Variants in DECR2 observed in about 807,000 individuals in gnomAD.
The protein encoded by DECR2 is peroxisomal 2,4-dienoyl-CoA reductase [(3E)-enoyl-CoA-producing].
DECR2 carries 34 observed loss-of-function variants against 29.2 expected under a neutral mutation model. The observed-to-expected ratio is 1.16, with a 90% CI of 0.89 to 1.55. The LOEUF (loss-of-function observed/expected upper bound fraction) is 1.55, where lower values mean the gene tolerates loss of function less well. Among genes scored for constraint, DECR2 ranks in the 40% most tolerant of loss-of-function variants. DECR2 has a pLI of 0.00. For missense variants in DECR2, 485 were observed against 425.3 expected (o/e 1.14, Z -1.23); for synonymous variants, 224 against 182.7 (o/e 1.23, Z -1.82).
chr16:405,431 C>G (rs2054713233), intron 2 of DECR2: 1 of 937,942 alleles, frequency 1.1e-6, no homozygotes, highest in Non-Finnish European at 1.4e-6. Flanking sequence ...CCTCAGTTCC[C>G]CTGAGGCCCC....
In DECR2 at chr16:410,229, C is replaced by G. The variant is rs1182425921; in HGVS notation, c.338-14C>G. The stretch of plus-strand genomic sequence containing the variant: ...CCCAGGCTCCAGCAGCTCCTGCGGT[C>G]TCCCATTCTGCAGGTGCGGCCGGGA... On this transcript the variant is annotated splice_polypyrimidine_tract_variant and intron_variant, in intron 4 of 8. Transcript: ENST00000219481. The surrounding 1 kb of genome is among the most constrained non-coding windows in gnomAD (Gnocchi z 4.1). 6.2e-7 allele frequency: 1 copy of G among 1,611,606 alleles called. No individual in the cohort carries two copies. The highest frequency in any genetic ancestry group is 2.2e-5 in the East Asian group (1 of 44,816).
At chr16:407,253 AACATCC>A (rs1209580309) in intron 3 of DECR2, 166 bp from the exon 4 acceptor site, 10 of 1,419,910 alleles carry the variant, frequency 7.0e-6, no homozygotes, top group Non-Finnish European at 9.2e-6. Context: ...GGTTCCCACA[AACATCC>A]ACTGGGGTCG....
chr16:411,402 C>G lies in DECR2; in HGVS notation c.703C>G (p.Pro235Ala), dbSNP rs1341171521. The G allele has an allele frequency of 5.6e-6, 9 of 1,612,440 alleles. No homozygotes were observed. The South Asian group carries it at 9.9e-5, about 18-fold the overall frequency. ...ASLSTKVTAS[P>A]LQRLGNKTEI... Reference sequence around the variant, plus strand: ...CCTGAGCACCAAGGTCACTGCCAGCCCGCTGCAGAGGCTGGGGAACAAGAC... The same window carrying G: ...CCTGAGCACCAAGGTCACTGCCAGCGCGCTGCAGAGGCTGGGGAACAAGAC... The change falls in exon 8 of 9, where the codon CCG becomes GCG. Residue 235 changes from proline to alanine, a missense_variant. Coordinates refer to ENST00000219481, the MANE Select transcript of DECR2 (RefSeq NM_020664.4).
In DECR2 at chr16:410,412, C is replaced by A; in HGVS notation, c.462+45C>A. ...TGTGAGAAGTTCTTCCGGGTGGGTGCCTCGTGCGCTCTGTGAGAAGTTCTT... is the reference window on the plus strand; with the variant it reads ...TGTGAGAAGTTCTTCCGGGTGGGTGACTCGTGCGCTCTGTGAGAAGTTCTT... On this transcript the variant is annotated intron_variant, in intron 5 of 8. Coordinates refer to ENST00000219481, the MANE Select transcript of DECR2 (RefSeq NM_020664.4). The surrounding 1 kb of genome is among the most constrained non-coding windows in gnomAD (Gnocchi z 4.1). The A allele has an allele frequency of 6.3e-7, 1 of 1,587,444 alleles. No individual in the cohort carries two copies. The highest frequency in any genetic ancestry group is 8.6e-7 in the Non-Finnish European group (1 of 1,163,400).
intron 4 of DECR2, among the ~76,000 whole-genome samples, chr16:408,891 G>A (rs1443372340): frequency 6.6e-6 from 1 of 150,820 alleles, no homozygotes; most frequent in Non-Finnish European, 1.5e-5. Context: ...GAGTACCATG[G>A]TACAATCTCA....
Position 410,413 on chromosome 16 carries a change from C to G in DECR2, c.462+46C>G. On this transcript the variant is annotated intron_variant, in intron 5 of 8. Coordinates refer to ENST00000219481, the MANE Select transcript of DECR2 (RefSeq NM_020664.4). The surrounding 1 kb of genome is among the most constrained non-coding windows in gnomAD (Gnocchi z 4.1). Reference sequence around the variant, plus strand: ...GTGAGAAGTTCTTCCGGGTGGGTGCCTCGTGCGCTCTGTGAGAAGTTCTTC... The same window carrying G: ...GTGAGAAGTTCTTCCGGGTGGGTGCGTCGTGCGCTCTGTGAGAAGTTCTTC... 1.3e-6 allele frequency: 2 copies of G among 1,589,880 alleles called. No homozygotes were observed. Among genetic ancestry groups the G allele is most frequent in the Non-Finnish European group, 1.7e-6 (2 of 1,164,638 alleles).
intron 2 of DECR2, 55 bp downstream of exon 2, chr16:405,079 G>A: frequency 6.2e-6 from 10 of 1,601,770 alleles, no homozygotes; most frequent in Admixed American, 1.7e-5. Flanking sequence ...CCCGGGCCCT[G>A]CTGGATGCCC....
intron 2 of DECR2, chr16:405,441 C>T: frequency 9.2e-7 from 1 of 1,084,598 alleles, no homozygotes; most frequent in Non-Finnish European, 1.2e-6. Flanking sequence ...CCTGAGGCCC[C>T]TGCTTTTCAG....
chr16:406,612 C>T, intron 3 of DECR2: 2 of 641,378 alleles, frequency 3.1e-6, no homozygotes, highest in South Asian at 1.9e-5. Flanking sequence ...ATTCTCCTGC[C>T]TCAGCCTCCG....
intron 2 of DECR2, chr16:405,296 A>G: frequency 8.6e-6 from 5 of 584,060 alleles, no homozygotes; most frequent in Admixed American, 3.1e-5. Flanking sequence ...GTCGGGCCCC[A>G]GTGCTGGCGC....
At chr16:405,090 G>C (rs990382863) in intron 2 of DECR2, 66 bp downstream of exon 2, 4 of 1,585,904 alleles carry the variant, frequency 2.5e-6, no homozygotes, top group Non-Finnish European at 3.5e-6. Flanking sequence ...CTGGATGCCC[G>C]ACCCCTGGAA....
rs3743890 is a variant in DECR2, at chr16:406,416, T to C, written c.201+19T>C. ...GCTGACGGTGAGAGGGCCTCTCCCA[T>C]GGTCCCCTGTTCGGGTGGCTGTGGG... On this transcript the variant is annotated intron_variant, in intron 3 of 8. Transcript: ENST00000219481. 2.1e-5 allele frequency: 34 copies of C among 1,605,840 alleles called. No homozygotes were observed. The highest frequency in any genetic ancestry group is 2.7e-5 in the Non-Finnish European group (32 of 1,179,540).
chr16:406,239 G>GT (rs1555495321), intron 2 of DECR2, 107 bp from the exon 3 acceptor site: 240 of 1,210,082 alleles, frequency 2.0e-4, no homozygotes, highest in Non-Finnish European at 2.5e-4. Context: ...TGGGCCTTCA[G>GT]CCTGGACTGG....
At chr16:411,152 C>T in intron 7 of DECR2, 76 bp downstream of exon 7, 2 of 1,385,042 alleles carry the variant, frequency 1.4e-6, no homozygotes, top group South Asian at 1.5e-5. Context: ...CTTCCAGAAC[C>T]TTGGCAGGGT....
In DECR2 at chr16:411,389, G is replaced by T. The variant is rs1217957838; in HGVS notation, c.690G>T (p.Lys230Asn). 1.2e-6 allele frequency: 2 copies of T among 1,610,936 alleles called. No homozygotes were observed. Among genetic ancestry groups the T allele is most frequent in the Non-Finnish European group, 1.7e-6 (2 of 1,179,794 alleles). Residue 230 changes from lysine to asparagine, a missense_variant, in exon 8 of 9, where the codon AAG (lysine) becomes AAT (asparagine). Physicochemically the swap from Lys to Asn is moderately conservative, Grantham distance 94 (BLOSUM62 0). Transcript: ENST00000219481. ...GCCCTCAGGCCAGCCTGAGCACCAA[G>T]GTCACTGCCAGCCCGCTGCAGAGGC... ...LGGPQASLST[K>N]VTASPLQRLG... is the part of the protein sequence containing the mutation.
In DECR2 at chr16:410,862, C is replaced by T; in HGVS notation, c.556+78C>T. The T allele has an allele frequency of 6.6e-7, 1 of 1,517,808 alleles. No individual in the cohort carries two copies. The highest frequency in any genetic ancestry group is 1.2e-5 in the South Asian group (1 of 82,592). The allele number at this position is 1,517,808 out of a possible 1,614,324, so 94.0% of individuals were successfully genotyped here. A position where few individuals can be genotyped will look rare whatever the true frequency, so the allele number is the denominator to read the frequency against. ...GTCTGCTTCCATCCCAGGAGGCCAG[C>T]AGTCTCCACTTGAAGCTGAGCCCAG... is the stretch of plus-strand genomic sequence containing the variant. On this transcript the variant is annotated intron_variant, in intron 6 of 8. Coordinates refer to ENST00000219481, the MANE Select transcript of DECR2 (RefSeq NM_020664.4). The surrounding 1 kb of genome is among the most constrained non-coding windows in gnomAD (Gnocchi z 4.1).
intron 4 of DECR2, among the ~76,000 whole-genome samples, chr16:408,344 CAGG>C (rs1289328526): frequency 1.3e-5 from 2 of 151,806 alleles, no homozygotes; most frequent in Admixed American, 6.6e-5. Context: ...CCTCTGTCTC[CAGG>C]CCTTTGTGTC....
In DECR2 at chr16:410,547, C is replaced by T. The variant is rs572622836; in HGVS notation, c.463-144C>T. 2.3e-5 allele frequency: 33 copies of T among 1,444,548 alleles called. No homozygotes were observed. Among genetic ancestry groups the T allele is most frequent in the Non-Finnish European group, 2.6e-5 (27 of 1,050,464 alleles). The allele number at this position is 1,444,548 out of a possible 1,614,324, so 89.5% of individuals were successfully genotyped here. A position where few individuals can be genotyped will look rare whatever the true frequency, so the allele number is the denominator to read the frequency against. On this transcript the variant is annotated intron_variant, in intron 5 of 8. Coordinates refer to ENST00000219481, the MANE Select transcript of DECR2 (RefSeq NM_020664.4). The surrounding 1 kb of genome is among the most constrained non-coding windows in gnomAD (Gnocchi z 4.1). The stretch of plus-strand genomic sequence containing the variant: ...CTCCCTGCCCTGGGCCTCCCCATGA[C>T]GGCCGCCCGCTCCCTGCCCTGGGCC...
Position 405,034 on chromosome 16 carries a change from C to T in DECR2, c.149+10C>T, listed in dbSNP as rs200680369. On this transcript the variant is annotated intron_variant, in intron 2 of 8. Transcript: ENST00000219481. ...CTGAGATTTTCATGCGGTGAGACTG[C>T]TCTGTGTCCCTTCCCTGCTCCTCGC... The T allele has an allele frequency of 6.8e-6, 11 of 1,613,872 alleles. No individual in the cohort carries two copies. Among genetic ancestry groups the T allele is most frequent in the Non-Finnish European group, 9.3e-6 (11 of 1,179,954 alleles).
Sources: gnomAD v4.1 joint callset for allele counts (sites outside exome capture counted in the v4.1 genomes callset) on GRCh38, gnomAD v4.1.1 for gene constraint, Gnocchi (gnomAD v3.1) non-coding constraint, MANE v1.5 for transcripts, NCBI Gene and HGNC (gene_info 2026-07-23, HGNC 2026-07-21) for gene names.